Variants in STX8 observed in about 807,000 individuals in gnomAD.
The protein encoded by STX8 is syntaxin-8.
A neutral mutation model predicts 37.5 loss-of-function variants in STX8; 23 were observed. The ratio of observed to expected loss-of-function variants is 0.61; its 90% CI spans 0.44 to 0.87. STX8 has a LOEUF of 0.87. Ranked by LOEUF, STX8 falls within the 40% of genes least tolerant of loss-of-function variation. STX8 has a pLI of 0.00. For synonymous variants in STX8, 115 were observed against 99.1 expected, an observed-to-expected ratio of 1.16 and a Z score of -0.95; for missense variants, 313 against 284.7, an observed-to-expected ratio of 1.10 and a Z score of -0.71.
At chr17:9,280,963 T>C (rs900827416) in intron 7 of STX8, among the ~76,000 whole-genome samples, 10 of 152,302 alleles carry the variant, frequency 6.6e-5, no homozygotes, top group Middle Eastern at 3.4e-3. Flanking sequence ...TGTGTCTATG[T>C]GTGTGGGCCA....
intron 2 of STX8, among the ~76,000 whole-genome samples, chr17:9,558,358 C>T (rs2151915661): frequency 6.6e-6 from 1 of 152,250 alleles, no homozygotes; most frequent in Non-Finnish European, 1.5e-5. Flanking sequence ...TGCAGAATCA[C>T]ACCAAGGAAA....
intron 7 of STX8, among the ~76,000 whole-genome samples, chr17:9,291,770 A>C (rs1187930448): frequency 6.6e-6 from 1 of 152,192 alleles, no homozygotes; most frequent in Non-Finnish European, 1.5e-5. Context: ...TATCTTTGCT[A>C]AACTGCCCTA....
chr17:9,544,515 C>A (rs551363971), intron 4 of STX8, among the ~76,000 whole-genome samples: 1,642 of 150,828 alleles, frequency 0.011, 29 homozygotes, highest in African/African-American at 0.037. Context: ...AAAAAAAAAA[C>A]AAAAAACTGC....
intron 7 of STX8, among the ~76,000 whole-genome samples, chr17:9,313,388 C>G (rs1909262609): frequency 6.6e-6 from 1 of 152,136 alleles, no homozygotes; most frequent in Admixed American, 6.5e-5. Context: ...ACCTTCAGGA[C>G]AAGCAGAAAA....
intron 7 of STX8, among the ~76,000 whole-genome samples, chr17:9,325,352 A>C (rs1176998442): frequency 6.6e-6 from 1 of 152,192 alleles, no homozygotes; most frequent in Non-Finnish European, 1.5e-5. Context: ...ACTATTCATA[A>C]GGGCTTATAA....
intron 1 of STX8, 126 bp downstream of exon 1, chr17:9,575,666 G>T: frequency 8.4e-7 from 1 of 1,197,324 alleles, no homozygotes; most frequent in Non-Finnish European, 1.2e-6. Flanking sequence ...GTAAAGGAAA[G>T]GTCTCGCTGC....
chr17:9,381,620 A>G (rs576708312), intron 6 of STX8, among the ~76,000 whole-genome samples: 24 of 152,320 alleles, frequency 1.6e-4, no homozygotes, highest in African/African-American at 5.8e-4. Context: ...ATTCATCCTT[A>G]TACCTCCCAC....
At chr17:9,418,642 C>A (rs1021058996) in intron 6 of STX8, among the ~76,000 whole-genome samples, 3 of 150,994 alleles carry the variant, frequency 2.0e-5, no homozygotes, top group African/African-American at 7.3e-5. Context: ...TCCTGGCTAA[C>A]ACGTGAAACC....
chr17:9,262,743 G>A (rs551532025), intron 7 of STX8, among the ~76,000 whole-genome samples: 1 of 151,878 alleles, frequency 6.6e-6, no homozygotes, highest in African/African-American at 2.4e-5. Flanking sequence ...CAACATGCCC[G>A]GCTAATTTTT....
At chr17:9,525,040 C>T (rs1318401694) in intron 4 of STX8, among the ~76,000 whole-genome samples, 2 of 152,118 alleles carry the variant, frequency 1.3e-5, no homozygotes, top group African/African-American at 4.8e-5. Context: ...AACTCCTGAC[C>T]TCAAGTGATC....
chr17:9,480,564 T>C (rs1393670519), intron 6 of STX8, among the ~76,000 whole-genome samples: 1 of 152,136 alleles, frequency 6.6e-6, no homozygotes, highest in Non-Finnish European at 1.5e-5. Flanking sequence ...CACAGATCAC[T>C]AAATGGAAGT....
At chr17:9,309,342 C>T (rs1395549435) in intron 7 of STX8, among the ~76,000 whole-genome samples, 1 of 152,182 alleles carries the variant, frequency 6.6e-6, no homozygotes, top group Non-Finnish European at 1.5e-5. Flanking sequence ...ACATGGGAAA[C>T]CATTAGCTCA....
chr17:9,468,862 G>A (rs527581741), intron 6 of STX8, among the ~76,000 whole-genome samples: 2 of 152,240 alleles, frequency 1.3e-5, no homozygotes, highest in East Asian at 3.9e-4. Context: ...AAAGCCAGCC[G>A]CTCCCTCTGC....
chr17:9,442,336 G>C (rs947842967), intron 6 of STX8, among the ~76,000 whole-genome samples: 1 of 152,132 alleles, frequency 6.6e-6, no homozygotes, highest in Admixed American at 6.5e-5. Flanking sequence ...GCCACCTCCT[G>C]ACTGGTTTCC....
At chr17:9,313,984 G>T (rs1909287689) in intron 7 of STX8, among the ~76,000 whole-genome samples, 1 of 152,106 alleles carries the variant, frequency 6.6e-6, no homozygotes, top group South Asian at 2.1e-4. Context: ...TTTACTTTAA[G>T]TTCTCATAAG....
chr17:9,396,052 T>A (rs1181773654), intron 6 of STX8, among the ~76,000 whole-genome samples: 1 of 152,050 alleles, frequency 6.6e-6, no homozygotes, highest in African/African-American at 2.4e-5. Context: ...TTTAAAAAAA[T>A]GTAAGCCACA....
chr17:9,575,154 A>G (rs757930429), intron 1 of STX8, among the ~76,000 whole-genome samples: 4 of 152,234 alleles, frequency 2.6e-5, no homozygotes, highest in Non-Finnish European at 5.9e-5. Context: ...CTTGGGATTA[A>G]CTGCTAAATA....
chr17:9,286,803 A>T (rs1248640968), intron 7 of STX8, among the ~76,000 whole-genome samples: 1 of 151,814 alleles, frequency 6.6e-6, no homozygotes, highest in Non-Finnish European at 1.5e-5. Flanking sequence ...GCAAAACCCC[A>T]GAGACTCAGA....
chr17:9,571,547 C>T (rs1252729931), intron 1 of STX8, among the ~76,000 whole-genome samples: 60 of 145,458 alleles, frequency 4.1e-4, no homozygotes, highest in African/African-American at 1.5e-3. Context: ...TGCAGTTTGC[C>T]GAGATTGTGC....
Sources: gnomAD v4.1 joint callset for allele counts (sites outside exome capture counted in the v4.1 genomes callset) on GRCh38, gnomAD v4.1.1 for gene constraint, MANE v1.5 for transcripts, NCBI Gene and HGNC (gene_info 2026-07-23, HGNC 2026-07-21) for gene names.